Variants in DDB1 observed in about 807,000 individuals in gnomAD.
The protein encoded by DDB1 is damage specific DNA binding protein 1.
DDB1 carries 18 observed loss-of-function variants against 133.1 expected under a neutral mutation model. The ratio of observed to expected loss-of-function variants is 0.14; its 90% CI spans 0.09 to 0.20. The LOEUF is 0.20. DDB1 is among the 10% of genes least tolerant of loss of function. DDB1 has a pLI of 1.00. For missense variants in DDB1, 828 were observed against 1,459.2 expected (o/e 0.57, Z 7.05); for synonymous variants, 580 against 550.5 (o/e 1.05, Z -0.75).
chr11:61,321,499 C>G, intron 10 of DDB1, 96 bp downstream of exon 10: 1 of 1,026,560 alleles, frequency 9.7e-7, no homozygotes, highest in Admixed American at 1.8e-5. Flanking sequence ...ACTTGATCTG[C>G]TTTCCTCTGG....
At chr11:61,316,102 G>C in intron 12 of DDB1, 183 bp downstream of exon 12, 1 of 544,788 alleles carries the variant, frequency 1.8e-6, no homozygotes, top group Non-Finnish European at 3.2e-6. Context: ...AAGCTAAAAG[G>C]AGCAACTCTA....
intron 3 of DDB1, 51 bp from the exon 4 acceptor site, chr11:61,329,635 C>T: frequency 6.5e-7 from 1 of 1,529,810 alleles, no homozygotes; most frequent in South Asian, 1.2e-5. Context: ...CACAGAGCAA[C>T]AGAGGACGCT....
intron 22 of DDB1, among the ~76,000 whole-genome samples, 152 bp downstream of exon 22, chr11:61,303,700 CAAAAAAAAAAAAA>C (rs59840297): frequency 1.4e-4 from 6 of 44,250 alleles, no homozygotes; most frequent in Non-Finnish European, 2.6e-4. Context: ...GACTGCGTCT[CAAAAAAAAAAAAA>C]AAAAAAAAAA....
intron 1 of DDB1, chr11:61,331,988 A>C: frequency 3.4e-6 from 1 of 290,424 alleles, no homozygotes. Flanking sequence ...TTGCCCCTCC[A>C]ATTTTACTCT....
chr11:61,303,023 T>C, intron 23 of DDB1, 23 bp downstream of exon 23: 1 of 1,604,452 alleles, frequency 6.2e-7, no homozygotes, highest in Non-Finnish European at 8.5e-7. Flanking sequence ...TCCCCACCAC[T>C]CCCAGAGCTG....
At chr11:61,316,966 T>TATATATATATATATATAC (rs1856089894) in intron 10 of DDB1, among the ~76,000 whole-genome samples, 1 of 28,882 alleles carries the variant, frequency 3.5e-5, no homozygotes, top group African/African-American at 1.1e-4. Flanking sequence ...TATATATATA[T>TATATATATATATATATAC]ATATATATAT....
intron 10 of DDB1, among the ~76,000 whole-genome samples, chr11:61,320,822 A>G (rs961657557): frequency 1.3e-5 from 2 of 152,004 alleles, no homozygotes; most frequent in African/African-American, 4.8e-5. Flanking sequence ...GTTCCATATC[A>G]ATTCTGTCAT....
chr11:61,309,202 A>G (rs1423764555), intron 20 of DDB1, 125 bp from the exon 21 acceptor site: 1 of 813,208 alleles, frequency 1.2e-6, no homozygotes, highest in East Asian at 2.6e-5. Flanking sequence ...AAAAAACAAC[A>G]CAGACTCAGT....
chr11:61,324,524 T>C (rs1409192066), intron 6 of DDB1: 1 of 191,072 alleles, frequency 5.2e-6, no homozygotes, highest in Non-Finnish European at 1.1e-5. Context: ...TACCACAGAT[T>C]TTGTTCTTTT....
Position 61,331,534 on chromosome 11 carries a change from A to C in DDB1, c.210+9T>G. 1 of 1,612,966 alleles carries C rather than the reference A, an allele frequency of 6.2e-7. No homozygotes were observed. Among genetic ancestry groups the C allele is most frequent in the Non-Finnish European group, 8.5e-7 (1 of 1,179,052 alleles). ...CCCCTCCACTGCTTGTCCCAACTGC[A>C]ACACTTACCTTGGGCCTGAAAAGCT... On this transcript the variant is annotated intron_variant, in intron 2 of 26. Coordinates refer to ENST00000301764, the MANE Select transcript of DDB1 (RefSeq NM_001923.5).
intron 1 of DDB1, 141 bp from the exon 2 acceptor site, chr11:61,331,832 C>A: frequency 8.5e-7 from 1 of 1,177,620 alleles, no homozygotes; most frequent in Non-Finnish European, 1.2e-6. Flanking sequence ...AGCTACTCCC[C>A]TTCTTGCCAA....
Position 61,332,912 on chromosome 11 carries a change from C to G in DDB1, c.57G>C (p.Val19=). The G allele has an allele frequency of 1.3e-6, 2 of 1,495,978 alleles. No individual in the cohort carries two copies. Among genetic ancestry groups the G allele is most frequent in the Non-Finnish European group, 1.8e-6 (2 of 1,114,250 alleles). The allele number at this position is 1,495,978 out of a possible 1,614,324, so 92.7% of individuals were successfully genotyped here. Residue 19 remains valine (V), a synonymous_variant, in exon 1 of 27, where the codon GTG becomes GTC. Transcript: ENST00000301764. ...CTCCGGCCCCGGCAGCCTCACCGGTCACGCAGCCGTTCACGGCGGTGGGCT... is the reference window on the plus strand; with the variant it reads ...CTCCGGCCCCGGCAGCCTCACCGGTGACGCAGCCGTTCACGGCGGTGGGCT... The part of the protein sequence containing the change: ...AQKPTAVNGC[V]TGHFTSAEDL...
chr11:61,318,386 T>C (rs1054700218), intron 10 of DDB1, among the ~76,000 whole-genome samples: 6 of 152,174 alleles, frequency 3.9e-5, no homozygotes, highest in Non-Finnish European at 7.3e-5. Flanking sequence ...ATTGCCCAAT[T>C]CCCTTCTATA....
chr11:61,332,832 G>C, intron 1 of DDB1, 76 bp downstream of exon 1: 12 of 1,313,320 alleles, frequency 9.1e-6, no homozygotes, highest in Non-Finnish European at 9.9e-6. Flanking sequence ...GCCGCCCCCG[G>C]GGCGGCGGGC....
chr11:61,314,544 G>A (rs1174148639), intron 12 of DDB1, 58 bp from the exon 13 acceptor site: 1 of 1,524,266 alleles, frequency 6.6e-7, no homozygotes, highest in African/African-American at 1.4e-5. Context: ...CCACACAGGA[G>A]TGGAAAGGTG....
At position 61,323,113 on chromosome 11, in the gene DDB1, C is replaced by T. The variant is rs56358658; in HGVS notation, c.922-19G>A. Reference sequence around the variant, plus strand: ...TAGAGGTCTGGAAGAAAGTCAGCAACGTGAAAGAAATGAGAATGGACCCTA... The same window carrying T: ...TAGAGGTCTGGAAGAAAGTCAGCAATGTGAAAGAAATGAGAATGGACCCTA... On this transcript the variant is annotated intron_variant, in intron 7 of 26. Transcript: ENST00000301764. 2.5e-3 allele frequency: 4,004 copies of T among 1,609,224 alleles called. 101 individuals carry two copies. In the South Asian group the frequency reaches 0.036, roughly 14 times the overall value.
At position 61,302,759 on chromosome 11, in the gene DDB1, G is replaced by A. The variant is rs765144532; in HGVS notation, c.2943-8C>T. 22 of 1,613,974 alleles carry A rather than the reference G, an allele frequency of 1.4e-5. No individual in the cohort carries two copies. The East Asian group carries it at 1.8e-4, about 13-fold the overall frequency. ...TCGTCAGTGGTGGCAGCGCTGAAAG[G>A]CGGTAAGAAAGTCACTTTCTGAACC... On this transcript the variant is annotated splice_region_variant and splice_polypyrimidine_tract_variant and intron_variant, in intron 23 of 26. Coordinates refer to ENST00000301764, the MANE Select transcript of DDB1 (RefSeq NM_001923.5).
At chr11:61,310,955 A>C (rs1280412789) in intron 18 of DDB1, 1 of 152,392 alleles carries the variant, frequency 6.6e-6, no homozygotes, top group African/African-American at 2.4e-5. Flanking sequence ...CACAGCTAGC[A>C]ATAAACCTGG....
chr11:61,327,554 G>A (rs1856290457), intron 4 of DDB1: 1 of 152,276 alleles, frequency 6.6e-6, no homozygotes, highest in South Asian at 2.1e-4. Context: ...ACACCTATGA[G>A]ATTTTTTTTA....
Sources: gnomAD v4.1 joint callset for allele counts (sites outside exome capture counted in the v4.1 genomes callset) on GRCh38, gnomAD v4.1.1 for gene constraint, MANE v1.5 for transcripts, NCBI Gene and HGNC (gene_info 2026-07-23, HGNC 2026-07-21) for gene names.